The following EYS variants were observed in gnomAD, a reference collection of about 807,000 sequenced individuals.
EYS encodes protein eyes shut homolog.
A neutral mutation model predicts 282.1 loss-of-function variants in EYS; 250 were observed. The observed-to-expected ratio is 0.89, with a 90% CI of 0.80 to 0.98. The LOEUF is 0.98. EYS is among the 50% of genes least tolerant of loss of function. The pLI is 0.00. For missense variants in EYS, 4,016 were observed against 3,709.0 expected, an observed-to-expected ratio of 1.08 and a Z score of -2.15; for synonymous variants, 1,355 against 1,282.9, an observed-to-expected ratio of 1.06 and a Z score of -1.20.
intron 26 of EYS, among the ~76,000 whole-genome samples, chr6:64,446,178 G>C (rs9345116): frequency 6.6e-6 from 1 of 151,942 alleles, no homozygotes; most frequent in African/African-American, 2.4e-5. Flanking sequence ...CTAGGTGGGT[G>C]GTTGCTAGTT....
At chr6:65,276,542 G>T (rs967698880) in intron 12 of EYS, among the ~76,000 whole-genome samples, 3 of 152,118 alleles carry the variant, frequency 2.0e-5, no homozygotes, top group Non-Finnish European at 4.4e-5. Flanking sequence ...GACTACTAGA[G>T]TAGATTGGTC....
At chr6:64,974,028 A>G (rs1770390900) in intron 14 of EYS, among the ~76,000 whole-genome samples, 1 of 151,932 alleles carries the variant, frequency 6.6e-6, no homozygotes, top group African/African-American at 2.4e-5. Flanking sequence ...AGCAGCATGA[A>G]AAAGCATTTC....
At chr6:64,644,680 T>A (rs185586173) in intron 22 of EYS, among the ~76,000 whole-genome samples, 2 of 152,150 alleles carry the variant, frequency 1.3e-5, no homozygotes, top group African/African-American at 2.4e-5. Context: ...TATATATGCA[T>A]GGAAAAATAT....
chr6:64,951,758 C>G (rs1195417979), intron 14 of EYS, among the ~76,000 whole-genome samples: 2 of 151,246 alleles, frequency 1.3e-5, no homozygotes, highest in Non-Finnish European at 3.0e-5. Flanking sequence ...AATAAACTTG[C>G]TAGTAAAAGA....
At chr6:65,548,238 T>C (rs964810349) in intron 2 of EYS, among the ~76,000 whole-genome samples, 1 of 152,218 alleles carries the variant, frequency 6.6e-6, no homozygotes, top group East Asian at 1.9e-4. Context: ...AAGATACTTA[T>C]GTAAGGAAAT....
At chr6:64,979,948 G>A (rs1457558181) in intron 14 of EYS, among the ~76,000 whole-genome samples, 1 of 151,532 alleles carries the variant, frequency 6.6e-6, no homozygotes, top group African/African-American at 2.4e-5. Context: ...ATTCTGGGAT[G>A]TCACCACAAT....
At chr6:64,682,188 T>C (rs1889499) in intron 22 of EYS, among the ~76,000 whole-genome samples, 18,451 of 152,050 alleles carry the variant, frequency 0.12, 1,342 homozygotes, top group East Asian at 0.3. Flanking sequence ...TAGGGTGAAA[T>C]CCTGTCTCTA....
intron 29 of EYS, among the ~76,000 whole-genome samples, chr6:64,385,801 C>T (rs1428243303): frequency 1.4e-5 from 1 of 70,776 alleles, no homozygotes; most frequent in Non-Finnish European, 3.0e-5. Flanking sequence ...TTTTTGTTAA[C>T]ATTTTTTCTC....
chr6:64,099,273 A>T (rs1772743045), intron 31 of EYS, among the ~76,000 whole-genome samples: 1 of 152,242 alleles, frequency 6.6e-6, no homozygotes, highest in Non-Finnish European at 1.5e-5. Context: ...ATAATTAGTA[A>T]GTAGTAAGCC....
At chr6:65,433,332 G>C (rs1439995474) in intron 5 of EYS, among the ~76,000 whole-genome samples, 3 of 152,062 alleles carry the variant, frequency 2.0e-5, no homozygotes, top group African/African-American at 4.8e-5. Context: ...CACTTCATCT[G>C]CAATTGGAGG....
intron 22 of EYS, among the ~76,000 whole-genome samples, chr6:64,689,298 A>G (rs1488260319): frequency 1.3e-5 from 2 of 152,156 alleles, no homozygotes; most frequent in Admixed American, 6.5e-5. Flanking sequence ...AGAACTACAA[A>G]CCACTGCTCA....
intron 29 of EYS, among the ~76,000 whole-genome samples, chr6:64,323,371 C>T (rs1487052981): frequency 6.6e-6 from 1 of 152,064 alleles, no homozygotes; most frequent in Non-Finnish European, 1.5e-5. Context: ...CTTTTAATTG[C>T]CGAATAACAT....
intron 22 of EYS, among the ~76,000 whole-genome samples, chr6:64,755,757 G>C (rs1175814936): frequency 6.6e-6 from 1 of 152,064 alleles, no homozygotes; most frequent in African/African-American, 2.4e-5. Context: ...GGGAGGGTGA[G>C]GGGGGTGAGG....
intron 28 of EYS, chr6:64,400,357 A>G (rs776057123): frequency 6.6e-6 from 1 of 152,096 alleles, no homozygotes; most frequent in African/African-American, 2.4e-5. Flanking sequence ...GTAAATGAAT[A>G]CAAGGATGGC....
At chr6:65,251,566 G>C (rs551440982) in intron 12 of EYS, among the ~76,000 whole-genome samples, 15 of 152,050 alleles carry the variant, frequency 9.9e-5, no homozygotes, top group Non-Finnish European at 1.8e-4. Flanking sequence ...AGGGAAGATG[G>C]AATAATGACA....
intron 8 of EYS, among the ~76,000 whole-genome samples, chr6:65,380,347 C>T (rs1186552630): frequency 6.6e-6 from 1 of 152,050 alleles, no homozygotes; most frequent in Non-Finnish European, 1.5e-5. Flanking sequence ...CTTTGACAAA[C>T]ATGACAAAAA....
intron 5 of EYS, among the ~76,000 whole-genome samples, chr6:65,447,120 A>G: frequency 6.6e-6 from 1 of 151,218 alleles, no homozygotes; most frequent in East Asian, 1.9e-4. Context: ...GTACTTTTTT[A>G]AAGGTTGCAC....
intron 5 of EYS, among the ~76,000 whole-genome samples, chr6:65,433,893 G>C (rs1304975783): frequency 1.3e-5 from 2 of 152,144 alleles, no homozygotes; most frequent in East Asian, 3.9e-4. Flanking sequence ...TTTAATTTGA[G>C]AATGAGATTT....
At chr6:64,314,421 G>T (rs190121338) in intron 29 of EYS, among the ~76,000 whole-genome samples, 16 of 151,958 alleles carry the variant, frequency 1.1e-4, no homozygotes, top group African/African-American at 3.9e-4. Flanking sequence ...TTAGACTCCC[G>T]CATAATAATA....
Sources: allele counts gnomAD v4.1 joint callset (sites outside exome capture counted in the v4.1 genomes callset), GRCh38; gene constraint gnomAD v4.1.1; transcripts MANE v1.5; gene names NCBI Gene and HGNC (gene_info 2026-07-23, HGNC 2026-07-21).